AMBRA1: variants seen among roughly 807,000 people sequenced by gnomAD.
AMBRA1 encodes the protein activating molecule in BECN1-regulated autophagy protein 1.
A neutral mutation model predicts 125.4 loss-of-function variants in AMBRA1; 47 were observed. The ratio of observed to expected loss-of-function variants is 0.37; its 90% CI spans 0.30 to 0.48. The LOEUF (loss-of-function observed/expected upper bound fraction) is 0.48. AMBRA1 is among the 20% of genes least tolerant of loss of function. The probability of loss-of-function intolerance (pLI) is 0.99; values close to 1 mark genes in which losing one functional copy is unlikely to be tolerated. For synonymous variants in AMBRA1, 626 were observed against 655.5 expected, an observed-to-expected ratio of 0.95 and a Z score of 0.69; for missense variants, 1,331 against 1,693.4, an observed-to-expected ratio of 0.79 and a Z score of 3.76.
intron 7 of AMBRA1, among the ~76,000 whole-genome samples, chr11:46,527,552 A>AAATG (rs1178353400): frequency 2.0e-5 from 3 of 151,504 alleles, no homozygotes; most frequent in African/African-American, 7.3e-5. Context: ...TATATCAGAT[A>AAATG]AATGTTTAAT....
At chr11:46,424,248 CTT>C (rs879679081) in intron 14 of AMBRA1, among the ~76,000 whole-genome samples, 2 of 144,652 alleles carry the variant, frequency 1.4e-5, no homozygotes, top group Admixed American at 6.9e-5. Flanking sequence ...AGCAAACAGC[CTT>C]TTTTTTTTTT....
At chr11:46,501,553 T>C (rs1368982565) in intron 9 of AMBRA1, among the ~76,000 whole-genome samples, 1 of 152,248 alleles carries the variant, frequency 6.6e-6, no homozygotes. Context: ...ACAATAATGA[T>C]GCAGTACTAA....
chr11:46,396,558 T>G lies in AMBRA1; in HGVS notation c.*892A>C, dbSNP rs1945473871. The G allele has an allele frequency of 6.6e-6, 1 of 152,620 alleles. No homozygotes were observed. Among genetic ancestry groups the G allele is most frequent in the African/African-American group, 2.4e-5 (1 of 41,430 alleles). 9.5% of individuals were successfully genotyped at this position (152,620 alleles called of 1,614,324 possible). The stretch of plus-strand genomic sequence containing the variant: ...CATTTTCATACTAAAAACAAAATGA[T>G]CAGAGCCTTGATTTCTCCACTAGAA... On this transcript the variant is annotated 3_prime_UTR_variant, in exon 18 of 18. Transcript: ENST00000683756.
chr11:46,558,685 G>C (rs751089457), intron 1 of AMBRA1, among the ~76,000 whole-genome samples: 23 of 151,680 alleles, frequency 1.5e-4, no homozygotes, highest in Non-Finnish European at 2.5e-4. Flanking sequence ...TGAAAATATG[G>C]AAATTAATAA....
intron 1 of AMBRA1, among the ~76,000 whole-genome samples, chr11:46,564,526 T>C (rs1435988461): frequency 2.6e-5 from 4 of 152,102 alleles, no homozygotes; most frequent in African/African-American, 9.6e-5. Flanking sequence ...CAGTATTGTA[T>C]AGTGCTCTAA....
chr11:46,502,220 T>C lies in AMBRA1; in HGVS notation c.2339+5971A>G, dbSNP rs555295438. ...TCAGCCTCTTGAGTAGCTGGGACTA[T>C]AGGTGGAGAAGTTTTTGTCTCGTTC... is the stretch of plus-strand genomic sequence containing the variant. On this transcript the variant is annotated intron_variant, in intron 9 of 17. Coordinates refer to ENST00000683756, the MANE Select transcript of AMBRA1 (RefSeq NM_001387011.1). 6.6e-5 allele frequency among the ~76,000 whole-genome samples: 10 copies of C among 152,240 alleles called. 1 individual carries two copies. Among genetic ancestry groups the C allele is most frequent in the African/African-American group, 9.6e-5 (4 of 41,536 alleles).
At chr11:46,566,984 C>G (rs1230238652) in intron 1 of AMBRA1, among the ~76,000 whole-genome samples, 1 of 152,004 alleles carries the variant, frequency 6.6e-6, no homozygotes, top group African/African-American at 2.4e-5. Flanking sequence ...CCACTGCACT[C>G]TGGCATGGGC....
At position 46,530,195 on chromosome 11, in the gene AMBRA1, C is replaced by T. The variant is rs538567211; in HGVS notation, c.2072+11750G>A. Among the ~76,000 whole-genome samples the T allele has an allele frequency of 3.3e-5, 5 of 152,260 alleles. No individual in the cohort carries two copies. In the South Asian group the frequency reaches 8.3e-4, roughly 25 times the overall value. On this transcript the variant is annotated intron_variant, in intron 7 of 17. Transcript: ENST00000683756. ...AACGTATTTGCAGCACACATACAGACGTCACTGTAGTCCCCAAGTGCTCCA... is the reference window on the plus strand; with the variant it reads ...AACGTATTTGCAGCACACATACAGATGTCACTGTAGTCCCCAAGTGCTCCA...
chr11:46,577,716 C>G (rs906858010), intron 1 of AMBRA1, among the ~76,000 whole-genome samples: 2 of 151,988 alleles, frequency 1.3e-5, no homozygotes, highest in African/African-American at 4.8e-5. Context: ...TTTGGGAGGC[C>G]GAGGCGGGCA....
At chr11:46,421,019 C>A (rs142845246) in intron 14 of AMBRA1, among the ~76,000 whole-genome samples, 1 of 152,188 alleles carries the variant, frequency 6.6e-6, no homozygotes, top group Non-Finnish European at 1.5e-5. Context: ...AAGCCTCTGT[C>A]ACAAATTTAC....
chr11:46,506,615 AGG>A (rs1343855556), intron 9 of AMBRA1, among the ~76,000 whole-genome samples: 2 of 152,206 alleles, frequency 1.3e-5, no homozygotes, highest in East Asian at 3.8e-4. Flanking sequence ...TCAAGATGGA[AGG>A]TGGGGAGGAA....
chr11:46,530,862 A>C (rs1025715498), intron 7 of AMBRA1, among the ~76,000 whole-genome samples: 6 of 152,196 alleles, frequency 3.9e-5, no homozygotes, highest in African/African-American at 1.4e-4. Context: ...TTTTTTTGGA[A>C]CACAGCCACA....
chr11:46,442,308 A>G lies in AMBRA1; in HGVS notation c.2632+1180T>C, dbSNP rs1948055691. Among the ~76,000 whole-genome samples the G allele has an allele frequency of 2.0e-5, 3 of 151,770 alleles. No homozygotes were observed. The South Asian group carries it at 6.2e-4, about 32-fold the overall frequency. On this transcript the variant is annotated intron_variant, in intron 12 of 17. Transcript: ENST00000683756. ...CAGGCATGCACCACCACACTCAGCT[A>G]ATTTTTGTATTTTTAGTAGAGACGA...
chr11:46,410,410 AT>A, intron 15 of AMBRA1, 42 bp from the exon 16 acceptor site: 1 of 1,544,054 alleles, frequency 6.5e-7, no homozygotes, highest in Non-Finnish European at 9.0e-7. Flanking sequence ...GGTGAAAGGC[AT>A]TAGAGAGGGA....
At chr11:46,564,286 G>A (rs1408689367) in intron 1 of AMBRA1, among the ~76,000 whole-genome samples, 1 of 148,160 alleles carries the variant, frequency 6.7e-6, no homozygotes, top group Non-Finnish European at 1.5e-5. Flanking sequence ...ACAAGTGATA[G>A]AATATAACAC....
chr11:46,580,160 A>G (rs1170935324), intron 1 of AMBRA1, among the ~76,000 whole-genome samples: 1 of 152,204 alleles, frequency 6.6e-6, no homozygotes, highest in Non-Finnish European at 1.5e-5. Flanking sequence ...GACAAATCCA[A>G]CAATGTACAG....
intron 1 of AMBRA1, among the ~76,000 whole-genome samples, chr11:46,563,962 T>C (rs1327738510): frequency 6.7e-6 from 1 of 150,364 alleles, no homozygotes; most frequent in Non-Finnish European, 1.5e-5. Flanking sequence ...CTGACCAACA[T>C]GGAGAAACCC....
At chr11:46,539,946 C>T (rs1173840414) in intron 7 of AMBRA1, among the ~76,000 whole-genome samples, 1 of 152,048 alleles carries the variant, frequency 6.6e-6, no homozygotes, top group Non-Finnish European at 1.5e-5. Context: ...ATTCTCCTGC[C>T]TCAGCTTCCC....
At chr11:46,498,283 G>T (rs1477573146) in intron 9 of AMBRA1, among the ~76,000 whole-genome samples, 2 of 152,106 alleles carry the variant, frequency 1.3e-5, no homozygotes, top group Non-Finnish European at 2.9e-5. Flanking sequence ...AAATATGTTG[G>T]TATTGCTCCT....
Sources: allele counts gnomAD v4.1 joint callset (sites outside exome capture counted in the v4.1 genomes callset), GRCh38; gene constraint gnomAD v4.1.1; transcripts MANE v1.5; gene names NCBI Gene and HGNC (gene_info 2026-07-23, HGNC 2026-07-21).